The following KDM2B variants were observed in gnomAD, a reference collection of about 807,000 sequenced individuals.
The protein encoded by KDM2B is lysine demethylase 2B, also known as lysine-specific demethylase 2B.
In KDM2B, 26 loss-of-function variants were observed where a neutral mutation model predicts 150.0. The observed-to-expected ratio is 0.17, with a 90% CI of 0.13 to 0.24. The LOEUF is 0.24. Ranked by LOEUF, KDM2B falls within the 10% of genes least tolerant of loss-of-function variation. KDM2B has a pLI of 1.00. For missense variants in KDM2B, 1,265 were observed against 1,816.9 expected (o/e 0.70, Z 5.52); for synonymous variants, 734 against 729.5 (o/e 1.01, Z -0.10).
chr12:121,574,763 G>A lies in KDM2B; in HGVS notation c.351-170C>T, dbSNP rs569197783. 4.6e-5 allele frequency among the ~76,000 whole-genome samples: 7 copies of A among 152,270 alleles called. No individual in the cohort carries two copies. In the East Asian group the frequency reaches 1.4e-3, roughly 29 times the overall value. On this transcript the variant is annotated intron_variant, in intron 3 of 22. Coordinates refer to ENST00000377071, the MANE Select transcript of KDM2B (RefSeq NM_032590.5). ...GAAGTAGACCAGTTGATGCCTCCAG[G>A]GAGGGTCACCCCAGAACCACTGAGG...
downstream of KDM2B, among the ~76,000 whole-genome samples, chr12:121,426,776 C>T (rs372053187): frequency 1.3e-5 from 2 of 152,082 alleles, no homozygotes; most frequent in African/African-American, 4.8e-5. Context: ...CAGGTGCATA[C>T]TACACTCCCA....
Position 121,444,574 on chromosome 12 carries a change from G to A in KDM2B, c.2104-38C>T, listed in dbSNP as rs1555289685. ...CCAGGACTCAGAAGAGGGACGGGCG[G>A]AGAAGATGGCCCACGGGCACAAGGC... On this transcript the variant is annotated intron_variant, in intron 14 of 22. Transcript: ENST00000377071. The A allele has an allele frequency of 1.9e-6, 3 of 1,573,370 alleles. No individual in the cohort carries two copies. The African/African-American group carries it at 4.0e-5, about 21-fold the overall frequency.
chr12:121,522,695 A>G (rs1886798787), intron 8 of KDM2B, among the ~76,000 whole-genome samples: 1 of 151,406 alleles, frequency 6.6e-6, no homozygotes, highest in Non-Finnish European at 1.5e-5. Flanking sequence ...TAAAAATACA[A>G]AAATTAGCCA....
rs536288185 is a variant in KDM2B at position 121,520,684 on chromosome 12, G to C, written c.1047+301C>G. On this transcript the variant is annotated intron_variant, in intron 9 of 22. Coordinates refer to ENST00000377071, the MANE Select transcript of KDM2B (RefSeq NM_032590.5). This position sits in a 1 kb window ranked among gnomAD's most constrained non-coding sequence, Gnocchi z 4.5. Reference sequence around the variant, plus strand: ...ACCACTTTCTCCACGTGAGGAGGAAGAGGCAGGTCCCTGAAATCTCACGGT... The same window carrying C: ...ACCACTTTCTCCACGTGAGGAGGAACAGGCAGGTCCCTGAAATCTCACGGT... Among the ~76,000 whole-genome samples the C allele has an allele frequency of 1.1e-4, 16 of 152,320 alleles. No homozygotes were observed. Among genetic ancestry groups the C allele is most frequent in the African/African-American group, 3.6e-4 (15 of 41,574 alleles).
At chr12:121,417,650 G>A in the KDM2B span, 18 of 1,614,172 alleles carry the variant, frequency 1.1e-5, no homozygotes, top group Non-Finnish European at 1.5e-5. This position sits in a 1 kb window ranked among gnomAD's most constrained non-coding sequence, Gnocchi z 5.0. Context: ...AGGACCTGCG[G>A]CAGTATCTCA....
At chr12:121,578,613 C>T (rs1334231522) in intron 2 of KDM2B, among the ~76,000 whole-genome samples, 189 bp downstream of exon 2, 4 of 151,882 alleles carry the variant, frequency 2.6e-5, no homozygotes, top group Non-Finnish European at 5.9e-5. Context: ...CCATGCCCGG[C>T]CCCCCTTACT....
intron 22 of KDM2B, among the ~76,000 whole-genome samples, chr12:121,437,113 C>T (rs1236357576): frequency 2.0e-5 from 3 of 151,748 alleles, no homozygotes; most frequent in African/African-American, 7.3e-5. Context: ...TCCAGGATGG[C>T]AGCAGTGGGG....
rs1880256224 is a variant in KDM2B, at chr12:121,467,660, A to G, written c.1735-14316T>C. On this transcript the variant is annotated intron_variant, in intron 12 of 22. Coordinates refer to ENST00000377071, the MANE Select transcript of KDM2B (RefSeq NM_032590.5). The surrounding 1 kb of genome is among the most constrained non-coding windows in gnomAD (Gnocchi z 5.1). ...CCGCGGGATGCACATGGGTGGCTGC[A>G]CGCCGCCACCGCTGCAACAGGAAAT... 1 of 150,974 alleles carries G rather than the reference A, an allele frequency of 6.6e-6. No individual in the cohort carries two copies. Among genetic ancestry groups the G allele is most frequent in the African/African-American group, 2.4e-5 (1 of 41,100 alleles). 9.4% of individuals were successfully genotyped at this position (150,974 alleles called of 1,614,324 possible).
Position 121,430,751 on chromosome 12 carries a change from T to C in KDM2B, c.3830-282A>G, listed in dbSNP as rs535345953. 19 of 563,324 alleles carry C rather than the reference T, an allele frequency of 3.4e-5. No individual in the cohort carries two copies. In the East Asian group the frequency reaches 5.3e-4, roughly 16 times the overall value. The allele number at this position is 563,324 out of a possible 1,614,324, so 34.9% of individuals were successfully genotyped here. ...CCACACAGCTGCCTCTATACGTGCG[T>C]ATGCTCATGTAAGTAGTTCTATGTG... On this transcript the variant is annotated intron_variant, in intron 22 of 22. Transcript: ENST00000377071. The surrounding 1 kb of genome is among the most constrained non-coding windows in gnomAD (Gnocchi z 4.4).
At chr12:121,493,869 T>G (rs1883628740) in intron 12 of KDM2B, 1 of 152,272 alleles carries the variant, frequency 6.6e-6, no homozygotes, top group Admixed American at 6.6e-5. Context: ...TTATTTTATT[T>G]TATTTTTTGA....
intron 6 of KDM2B, among the ~76,000 whole-genome samples, chr12:121,536,817 A>G (rs1040951870): frequency 2.0e-5 from 3 of 152,174 alleles, no homozygotes; most frequent in Non-Finnish European, 1.5e-5. Flanking sequence ...GGGTACCCAC[A>G]GCAGAGAGGA....
At chr12:121,512,871 C>T (rs1594006940) in intron 10 of KDM2B, among the ~76,000 whole-genome samples, 1 of 152,226 alleles carries the variant, frequency 6.6e-6, no homozygotes, top group East Asian at 1.9e-4. Flanking sequence ...AGACTGGCTG[C>T]ATCTCACAGG....
intron 6 of KDM2B, among the ~76,000 whole-genome samples, chr12:121,541,395 CAAAAAAAAAA>C (rs59029432): frequency 6.8e-5 from 2 of 29,346 alleles, no homozygotes; most frequent in African/African-American, 8.5e-5. Flanking sequence ...GCCCCTGTCT[CAAAAAAAAAA>C]AAAAAAAAAA....
At chr12:121,448,955 G>T (rs1555290962) in intron 13 of KDM2B, among the ~76,000 whole-genome samples, 1 of 152,224 alleles carries the variant, frequency 6.6e-6, no homozygotes, top group African/African-American at 2.4e-5. Context: ...AGGGTGGAGA[G>T]AAGCCAAGTG....
chr12:121,524,478 G>A (rs1886959683), intron 8 of KDM2B, among the ~76,000 whole-genome samples: 1 of 152,200 alleles, frequency 6.6e-6, no homozygotes, highest in African/African-American at 2.4e-5. Flanking sequence ...TGCACGCCCA[G>A]ACACTCGAGG....
chr12:121,431,498 CTTTCA>C (rs1353033593), intron 22 of KDM2B, among the ~76,000 whole-genome samples: 2 of 151,984 alleles, frequency 1.3e-5, no homozygotes, highest in African/African-American at 2.4e-5. Flanking sequence ...AGTATCAACA[CTTTCA>C]TTTCTTTATT....
the KDM2B span, chr12:121,420,243 T>C: frequency 6.2e-7 from 1 of 1,609,280 alleles, no homozygotes; most frequent in Non-Finnish European, 8.5e-7. Flanking sequence ...TAAGTGTAGG[T>C]ACAAAGTGAA....
intron 1 of KDM2B, chr12:121,579,691 C>G (rs1891797500): frequency 7.1e-7 from 1 of 1,414,210 alleles, no homozygotes; most frequent in African/African-American, 1.4e-5. Context: ...CCCGCATCCC[C>G]CTGCCTCCTC....
intron 12 of KDM2B, among the ~76,000 whole-genome samples, chr12:121,488,972 T>C (rs1165360137): frequency 3.9e-5 from 6 of 151,928 alleles, no homozygotes; most frequent in Non-Finnish European, 7.4e-5. Context: ...CCACGCCAGA[T>C]AGTTTTGTAT....
Sources: gnomAD v4.1 joint callset for allele counts (sites outside exome capture counted in the v4.1 genomes callset) on GRCh38, gnomAD v4.1.1 for gene constraint, Gnocchi (gnomAD v3.1) non-coding constraint, MANE v1.5 for transcripts, NCBI Gene and HGNC (gene_info 2026-07-23, HGNC 2026-07-21) for gene names.